Variants in TBL1X observed in about 807,000 individuals in gnomAD.
The protein encoded by TBL1X is transducin beta like 1 X-linked, also known as F-box-like/WD repeat-containing protein TBL1X.
A neutral mutation model predicts 50.7 loss-of-function variants in TBL1X; 10 were observed. The ratio of observed to expected loss-of-function variants is 0.20; its 90% CI spans 0.12 to 0.33. TBL1X has a LOEUF of 0.33. TBL1X is among the 10% of genes least tolerant of loss of function. The pLI, the probability that TBL1X is intolerant of heterozygous loss-of-function variation, is 1.00. For synonymous variants in TBL1X, 190 were observed against 214.7 expected (o/e 0.88, Z 1.01); for missense variants, 340 against 504.4 (o/e 0.67, Z 3.12).
chrX:9,585,518 CTGGT>C (rs1660538529), intron 2 of TBL1X, among the ~76,000 whole-genome samples: 1 of 111,462 alleles, frequency 9.0e-6, no homozygotes. Flanking sequence ...GCCCTTTGGA[CTGGT>C]CACTTAATGA....
At chrX:9,557,207 A>G (rs763580232) in intron 2 of TBL1X, among the ~76,000 whole-genome samples, 23 of 111,971 alleles carry the variant, frequency 2.1e-4, no homozygotes, top group Non-Finnish European at 3.9e-4. Flanking sequence ...GTTAACCCCA[A>G]CGCCCTACTT....
intron 2 of TBL1X, among the ~76,000 whole-genome samples, chrX:9,585,328 A>ACCCCCCCCCCCCCCCCCCCCCCCCC (rs1262756915): frequency 5.5e-5 from 3 of 54,647 alleles, no homozygotes; most frequent in African/African-American, 7.7e-5. Context: ...GCTCCATGCC[A>ACCCCCCCCCCCCCCCCCCCCCCCCC]CCCCCCTCCC....
intron 2 of TBL1X, among the ~76,000 whole-genome samples, chrX:9,631,760 A>G (rs2082722875): frequency 8.9e-6 from 1 of 112,842 alleles, no homozygotes; most frequent in Non-Finnish European, 1.9e-5. Context: ...TTTTAAAGAG[A>G]AGAAAATATT....
chrX:9,499,746 C>T (rs1030511854), intron 1 of TBL1X, among the ~76,000 whole-genome samples: 4 of 111,877 alleles, frequency 3.6e-5, no homozygotes, highest in Admixed American at 1.9e-4. Flanking sequence ...GAGGCTGAGG[C>T]GGGTGGATCA....
chrX:9,687,896 T>C (rs112660689), intron 6 of TBL1X, 121 bp from the exon 7 acceptor site: 2 of 1,092,619 alleles, frequency 1.8e-6, no homozygotes, highest in African/African-American at 1.9e-5. Flanking sequence ...GGCCCCCTGG[T>C]TGCTGGGAGC....
At chrX:9,571,231 C>T (rs1020691289) in intron 2 of TBL1X, among the ~76,000 whole-genome samples, 2 of 111,374 alleles carry the variant, frequency 1.8e-5, no homozygotes, top group African/African-American at 6.5e-5. Context: ...TTCCTCGGAG[C>T]GTCTGTGTAT....
intron 2 of TBL1X, among the ~76,000 whole-genome samples, chrX:9,620,757 G>A (rs867923924): frequency 1.1e-4 from 12 of 111,476 alleles, no homozygotes; most frequent in Non-Finnish European, 2.3e-4. Flanking sequence ...GTGCTTTGCC[G>A]GCCATAATAC....
At chrX:9,475,264 T>G (rs968459607) in intron 1 of TBL1X, among the ~76,000 whole-genome samples, 2 of 111,720 alleles carry the variant, frequency 1.8e-5, no homozygotes, top group Non-Finnish European at 3.8e-5. Flanking sequence ...TTTGTTTGTT[T>G]GTTTTTTTGA....
At chrX:9,544,023 C>G (rs1313083873) in intron 2 of TBL1X, among the ~76,000 whole-genome samples, 1 of 111,803 alleles carries the variant, frequency 8.9e-6, no homozygotes, top group Non-Finnish European at 1.9e-5. Context: ...CCCCTGCCCC[C>G]ACTTAGATCC....
chrX:9,598,914 T>TTTGTTTTGTTTTG (rs34271598), intron 2 of TBL1X, among the ~76,000 whole-genome samples: 92 of 98,359 alleles, frequency 9.4e-4, no homozygotes, highest in Middle Eastern at 5.5e-3. Context: ...CTACCTTTTT[T>TTTGTTTTGTTTTG]TTTTGTTTTG....
chrX:9,709,401 T>C, intron 14 of TBL1X, 79 bp downstream of exon 14: 13 of 1,076,034 alleles, frequency 1.2e-5, no homozygotes, highest in Non-Finnish European at 1.7e-5. Flanking sequence ...ACGGTCACTC[T>C]TACATGAGGA....
chrX:9,639,012 A>G (rs2082761950), intron 2 of TBL1X, among the ~76,000 whole-genome samples: 1 of 111,674 alleles, frequency 9.0e-6, no homozygotes, highest in Admixed American at 9.5e-5. Context: ...AGAGTTACAG[A>G]TGAATTTAGT....
At chrX:9,468,731 G>GGGTATATATATATATATGTA in intron 1 of TBL1X, among the ~76,000 whole-genome samples, 1 of 110,452 alleles carries the variant, frequency 9.1e-6, no homozygotes, top group Non-Finnish European at 1.9e-5. Context: ...AGGTGGGTAG[G>GGGTATATATATATATATGTA]AGTATATATA....
intron 2 of TBL1X, among the ~76,000 whole-genome samples, chrX:9,519,608 CT>C (rs1196964711): frequency 8.9e-6 from 1 of 111,780 alleles, no homozygotes; most frequent in South Asian, 3.7e-4. Flanking sequence ...TTGAAAATTT[CT>C]TCTCTCAACA....
At chrX:9,637,493 A>T (rs1303827814) in intron 2 of TBL1X, 3 of 112,108 alleles carry the variant, frequency 2.7e-5, no homozygotes, top group Admixed American at 9.5e-5. Flanking sequence ...ACTTTAATCA[A>T]GTATGTGTTA....
At chrX:9,563,840 A>G (rs961684690) in intron 2 of TBL1X, among the ~76,000 whole-genome samples, 1 of 112,583 alleles carries the variant, frequency 8.9e-6, no homozygotes, top group South Asian at 3.6e-4. Context: ...AAAATTTTAT[A>G]CCAAGGGACT....
intron 1 of TBL1X, among the ~76,000 whole-genome samples, chrX:9,466,788 G>A (rs1044215250): frequency 4.4e-5 from 5 of 112,435 alleles, no homozygotes; most frequent in African/African-American, 1.6e-4. Flanking sequence ...AGAACGTTGA[G>A]TATGACGCGT....
chrX:9,706,417 C>T (rs1310711807), intron 13 of TBL1X, among the ~76,000 whole-genome samples: 1 of 110,867 alleles, frequency 9.0e-6, no homozygotes, highest in Non-Finnish European at 1.9e-5. Flanking sequence ...TGGTGGAAAA[C>T]ATCAACATTT....
At chrX:9,617,987 A>T (rs755948532) in intron 2 of TBL1X, among the ~76,000 whole-genome samples, 2 of 111,167 alleles carry the variant, frequency 1.8e-5, no homozygotes, top group Non-Finnish European at 3.8e-5. Context: ...GACCCAGGAG[A>T]TACCAGTAGC....
Sources: gnomAD v4.1 joint callset for allele counts (sites outside exome capture counted in the v4.1 genomes callset) on GRCh38, gnomAD v4.1.1 for gene constraint, MANE v1.5 for transcripts, NCBI Gene and HGNC (gene_info 2026-07-23, HGNC 2026-07-21) for gene names.